Variants in NBR1 observed in about 807,000 individuals in gnomAD.
NBR1 encodes next to BRCA1 gene 1 protein.
NBR1 carries 59 observed loss-of-function variants against 115.5 expected under a neutral mutation model. That is an observed-to-expected ratio of 0.51 (90% confidence interval 0.41 to 0.63). The LOEUF (loss-of-function observed/expected upper bound fraction) is 0.63, where lower values mean the gene tolerates loss of function less well. Ranked by LOEUF, NBR1 falls within the 30% of genes least tolerant of loss-of-function variation. NBR1 has a pLI of 0.00. For synonymous variants in NBR1, 373 were observed against 414.7 expected (o/e 0.90, Z 1.22); for missense variants, 1,043 against 1,150.5 (o/e 0.91, Z 1.35).
At chr17:43,205,064 A>G (rs1003651961) in intron 20 of NBR1, among the ~76,000 whole-genome samples, 1 of 151,984 alleles carries the variant, frequency 6.6e-6, no homozygotes, top group African/African-American at 2.4e-5. Flanking sequence ...ACATAGTAAG[A>G]TACTATGCTG....
intron 9 of NBR1, 54 bp from the exon 10 acceptor site, chr17:43,191,318 G>C: frequency 7.3e-7 from 1 of 1,367,010 alleles, no homozygotes; most frequent in South Asian, 1.3e-5. Context: ...GCTCCACATA[G>C]CTTCAGAATT....
intron 5 of NBR1, 80 bp downstream of exon 5, chr17:43,180,897 G>A (rs1362384519): frequency 3.3e-6 from 4 of 1,216,636 alleles, no homozygotes; most frequent in African/African-American, 1.6e-5. Context: ...TTTGAGATGA[G>A]GTTGTGCTCT....
At chr17:43,190,172 T>C in intron 8 of NBR1, 1 of 296,228 alleles carries the variant, frequency 3.4e-6, no homozygotes, top group Non-Finnish European at 6.4e-6. Context: ...CACTGCAGCC[T>C]CACCCTCCCA....
At chr17:43,202,763 A>G in intron 19 of NBR1, 51 bp downstream of exon 19, 2 of 1,423,024 alleles carry the variant, frequency 1.4e-6, no homozygotes, top group Non-Finnish European at 1.9e-6. Context: ...ATATTCTTGT[A>G]TTCCTTCTGC....
chr17:43,199,577 G>A (rs571546476), intron 16 of NBR1, among the ~76,000 whole-genome samples: 8 of 152,044 alleles, frequency 5.3e-5, no homozygotes, highest in African/African-American at 1.9e-4. Context: ...GGGTTTCACC[G>A]TGTTAGCCAG....
In NBR1 at chr17:43,183,468, C is replaced by T. The variant is rs534555048; in HGVS notation, c.207+2651C>T. Among the ~76,000 whole-genome samples, 31 of 149,562 alleles carry T rather than the reference C, an allele frequency of 2.1e-4. No individual in the cohort carries two copies. In the South Asian group the frequency reaches 4.3e-3, roughly 21 times the overall value. Reference sequence around the variant, plus strand: ...TCTCTTGACCTCATGATCCACCTGCCTTAGCCTCCCAAAGTGCTGGGATTA... The same window carrying T: ...TCTCTTGACCTCATGATCCACCTGCTTTAGCCTCCCAAAGTGCTGGGATTA... On this transcript the variant is annotated intron_variant, in intron 5 of 20. Transcript: ENST00000590996.
chr17:43,208,256 G>C (rs2154582484), intron 20 of NBR1, among the ~76,000 whole-genome samples: 1 of 152,314 alleles, frequency 6.6e-6, no homozygotes, highest in South Asian at 2.1e-4. Flanking sequence ...TGAGACTTTA[G>C]AGATGGGCAA....
Position 43,209,920 on chromosome 17 carries a change from A to G in NBR1, c.2747A>G (p.Gln916Arg). 1.9e-6 allele frequency: 3 copies of G among 1,570,462 alleles called. No homozygotes were observed. The highest frequency in any genetic ancestry group is 2.7e-5 in the African/African-American group (2 of 73,232). The stretch of plus-strand genomic sequence containing the variant: ...ACACAGCCAATAATTTCTGAAGATC[A>G]GACAGCAGCCCTGATGGCCCATCTC... ...VTAQPIISEDQTAALMAHLFE... is the reference protein window; with the variant it reads ...VTAQPIISEDRTAALMAHLFE... Residue 916 changes from glutamine to arginine, a missense_variant, in exon 21 of 21, where the codon CAG becomes CGG. Transcript: ENST00000590996.
At position 43,203,765 on chromosome 17, in the gene NBR1, T is replaced by C; in HGVS notation, c.2706T>C (p.Ala902=). ...CCTCTGCATACAAGGCCCTGTTTGC[T>C]GGGCCACCAGTCACTGCACAGGTCA... ...VAASAYKALF[A]GPPVTAQPII... Residue 902 remains alanine (A), a synonymous_variant, in exon 20 of 21, where the codon GCT becomes GCC. Transcript: ENST00000590996. 6.3e-7 allele frequency: 1 copy of C among 1,599,536 alleles called. No individual in the cohort carries two copies. The highest frequency in any genetic ancestry group is 8.5e-7 in the Non-Finnish European group (1 of 1,172,064).
At chr17:43,171,743 G>A (rs2056377322) in intron 1 of NBR1, among the ~76,000 whole-genome samples, 1 of 152,318 alleles carries the variant, frequency 6.6e-6, no homozygotes. Flanking sequence ...GATCTCCTTG[G>A]TTAGGGACCT....
In NBR1 at chr17:43,211,474, C is replaced by T. The variant is rs866241416; in HGVS notation, c.*1400C>T. 6.6e-6 allele frequency: 1 copy of T among 152,570 alleles called. No individual in the cohort carries two copies. The highest frequency in any genetic ancestry group is 2.4e-5 in the African/African-American group (1 of 41,420). 9.5% of individuals were successfully genotyped at this position (152,570 alleles called of 1,614,324 possible). On this transcript the variant is annotated 3_prime_UTR_variant, in exon 21 of 21. Transcript: ENST00000590996. ...ATAAACCAGGATTCAAACTGCAAGC[C>T]AGCCAGGCCGTTCATTATTTAAAAC...
At chr17:43,174,665 A>G (rs1304668528) in intron 1 of NBR1, among the ~76,000 whole-genome samples, 1 of 152,002 alleles carries the variant, frequency 6.6e-6, no homozygotes, top group Admixed American at 6.6e-5. Context: ...TTAGTTGACT[A>G]TGGTCAGTTC....
At chr17:43,200,866 T>TG (rs1352645278) in intron 17 of NBR1, among the ~76,000 whole-genome samples, 7 of 133,240 alleles carry the variant, frequency 5.3e-5, no homozygotes, top group Admixed American at 4.5e-4. Context: ...GAGCTGGTTG[T>TG]GTTTTTTTTT....
intron 20 of NBR1, among the ~76,000 whole-genome samples, chr17:43,206,214 TG>T (rs1260863013): frequency 6.6e-6 from 1 of 150,836 alleles, no homozygotes; most frequent in East Asian, 1.9e-4. Context: ...AGACCAAATA[TG>T]TAGGCAGGAT....
intron 6 of NBR1, among the ~76,000 whole-genome samples, chr17:43,186,687 A>C (rs1373288517): frequency 2.0e-5 from 3 of 149,894 alleles, no homozygotes; most frequent in African/African-American, 7.4e-5. Flanking sequence ...ACCCCCTGAC[A>C]GGCCCCCGTG....
intron 20 of NBR1, among the ~76,000 whole-genome samples, 179 bp downstream of exon 20, chr17:43,203,965 T>C (rs910497689): frequency 1.3e-5 from 2 of 149,764 alleles, no homozygotes; most frequent in Non-Finnish European, 3.0e-5. Flanking sequence ...TGAGACGAAG[T>C]CTCGCTCTGT....
At chr17:43,186,015 TAAATA>T (rs2154582099) in intron 5 of NBR1, among the ~76,000 whole-genome samples, 1 of 70,816 alleles carries the variant, frequency 1.4e-5, no homozygotes, top group Non-Finnish European at 3.4e-5. Context: ...AATAAATAAA[TAAATA>T]AATAAATAAA....
At chr17:43,185,002 T>C (rs1254064073) in intron 5 of NBR1, among the ~76,000 whole-genome samples, 2 of 151,112 alleles carry the variant, frequency 1.3e-5, no homozygotes, top group Admixed American at 6.6e-5. Context: ...GGCAGGAGAA[T>C]CGCTTGAACC....
intron 1 of NBR1, among the ~76,000 whole-genome samples, chr17:43,171,694 C>T (rs1293939259): frequency 1.3e-5 from 2 of 152,214 alleles, no homozygotes; most frequent in African/African-American, 2.4e-5. Context: ...ACTTACACAT[C>T]CTTCTCATCC....
Sources: allele counts gnomAD v4.1 joint callset (sites outside exome capture counted in the v4.1 genomes callset), GRCh38; gene constraint gnomAD v4.1.1; transcripts MANE v1.5; gene names NCBI Gene and HGNC (gene_info 2026-07-23, HGNC 2026-07-21).